The following KCNN2 variants were observed in gnomAD, a reference collection of about 807,000 sequenced individuals.
KCNN2 encodes potassium calcium-activated channel subfamily N member 2.
A neutral mutation model predicts 55.5 loss-of-function variants in KCNN2; 24 were observed. The ratio of observed to expected loss-of-function variants is 0.43; its 90% CI spans 0.31 to 0.61. The LOEUF is 0.61. Among genes scored for constraint, KCNN2 ranks in the 20% least tolerant of loss-of-function variants. The pLI, the probability that KCNN2 is intolerant of heterozygous loss-of-function variation, is 0.08. For synonymous variants in KCNN2, 431 were observed against 336.1 expected, an observed-to-expected ratio of 1.28 and a Z score of -3.09; for missense variants, 754 against 853.6, an observed-to-expected ratio of 0.88 and a Z score of 1.45.
chr5:114,226,886 G>A (rs1221991971), intron 2 of KCNN2, among the ~76,000 whole-genome samples: 1 of 122,650 alleles, frequency 8.2e-6, no homozygotes, highest in African/African-American at 3.3e-5. Context: ...GGGCAACACA[G>A]CGAGACTCCG....
intron 4 of KCNN2, among the ~76,000 whole-genome samples, chr5:114,464,388 G>A (rs1220461702): frequency 6.6e-6 from 1 of 152,190 alleles, no homozygotes; most frequent in African/African-American, 2.4e-5. Flanking sequence ...AACGAGTACT[G>A]CAGGTTCCAA....
intron 1 of KCNN2, among the ~76,000 whole-genome samples, chr5:114,091,405 A>G (rs1371229695): frequency 1.3e-5 from 2 of 152,166 alleles, no homozygotes; most frequent in East Asian, 1.9e-4. Context: ...ATCCAAATTG[A>G]TTAGAGTAGG....
At chr5:114,397,356 C>T (rs1758651132) in intron 2 of KCNN2, among the ~76,000 whole-genome samples, 1 of 152,054 alleles carries the variant, frequency 6.6e-6, no homozygotes, top group Non-Finnish European at 1.5e-5. Context: ...TGTAAGTATT[C>T]CCTTTTCTCT....
chr5:114,441,204 G>A (rs1164653111), intron 3 of KCNN2, among the ~76,000 whole-genome samples: 1 of 152,022 alleles, frequency 6.6e-6, no homozygotes, highest in African/African-American at 2.4e-5. Flanking sequence ...ATAAAACAGT[G>A]AGCAAACTAG....
intron 1 of KCNN2, among the ~76,000 whole-genome samples, chr5:114,126,520 G>T (rs1046493883): frequency 6.6e-6 from 1 of 152,050 alleles, no homozygotes; most frequent in African/African-American, 2.4e-5. Flanking sequence ...GAATCCTCCC[G>T]CATGATTCAA....
rs1001177787 is a variant in KCNN2 at position 114,151,407 on chromosome 5, C to G, written c.-270-70073C>G. On this transcript the variant is annotated intron_variant, in intron 1 of 10. Coordinates refer to the KCNN2 transcript ENST00000512097. ...CCGTCCTGCCACTCCAGCTCCCTTC[C>G]TTCCACTTGGTGGGACAGCAAAGGG... 3.3e-5 allele frequency among the ~76,000 whole-genome samples: 5 copies of G among 152,246 alleles called. No homozygotes were observed. The South Asian group carries it at 6.2e-4, about 19-fold the overall frequency.
intron 1 of KCNN2, among the ~76,000 whole-genome samples, chr5:114,161,865 G>A (rs985425427): frequency 2.0e-5 from 3 of 152,142 alleles, no homozygotes; most frequent in Non-Finnish European, 2.9e-5. Context: ...GGTCCTTTAA[G>A]GACTTCTCTG....
At chr5:114,427,280 T>TA (rs1269456664) in intron 3 of KCNN2, among the ~76,000 whole-genome samples, 1 of 152,162 alleles carries the variant, frequency 6.6e-6, no homozygotes, top group African/African-American at 2.4e-5. Context: ...TTAACAATAA[T>TA]AAAAAAATTT....
intron 2 of KCNN2, among the ~76,000 whole-genome samples, chr5:114,344,381 G>C (rs1561578827): frequency 6.6e-6 from 1 of 152,130 alleles, no homozygotes; most frequent in Non-Finnish European, 1.5e-5. Flanking sequence ...GTAGGGTAAG[G>C]TCTGGGAGGG....
intron 2 of KCNN2, among the ~76,000 whole-genome samples, chr5:114,277,728 G>A (rs1488694016): frequency 6.6e-6 from 1 of 152,044 alleles, no homozygotes; most frequent in Non-Finnish European, 1.5e-5. Flanking sequence ...ATTCTAGTTA[G>A]CCATTTGTCT....
At chr5:114,473,298 C>G (rs796802736) in intron 5 of KCNN2, 134 bp downstream of exon 5, 3 of 658,674 alleles carry the variant, frequency 4.6e-6, no homozygotes, top group African/African-American at 3.6e-5. Context: ...GGAATCACTT[C>G]CATTTTATCA....
rs1249028214 is a variant in KCNN2, at chr5:114,375,952, G to GTGTATATATATATATATA, written c.1218+11952_1218+11953insGTATATATATATATATAT. ...AATCATTTAAAAAAAGACTCACAGTGTATATATATATATATATATATATAT... is the reference window on the plus strand; with the variant it reads ...AATCATTTAAAAAAAGACTCACAGTGTGTATATATATATATATATATATATATATATATATATATATAT... On this transcript the variant is annotated intron_variant, in intron 2 of 7. Transcript: ENST00000673685. Among the ~76,000 whole-genome samples, 393 of 104,608 alleles carry GTGTATATATATATATATA rather than the reference G, an allele frequency of 3.8e-3. 5 individuals are homozygous for GTGTATATATATATATATA. Among genetic ancestry groups the GTGTATATATATATATATA allele is most frequent in the Non-Finnish European group, 5.5e-3 (291 of 53,198 alleles). 68.6% of individuals were successfully genotyped at this position (104,608 alleles called of 152,430 possible).
At chr5:114,437,353 AGGACGTGAATGAAT>A (rs985735907) in intron 3 of KCNN2, among the ~76,000 whole-genome samples, 2 of 152,154 alleles carry the variant, frequency 1.3e-5, no homozygotes, top group African/African-American at 4.8e-5. Context: ...GGAGGAAGAG[AGGACGTGAATGAAT>A]GCAAGTGTTA....
chr5:114,140,316 G>A (rs1208950124), intron 1 of KCNN2, among the ~76,000 whole-genome samples: 3 of 152,126 alleles, frequency 2.0e-5, no homozygotes, highest in Non-Finnish European at 4.4e-5. Flanking sequence ...GCTCTTACTG[G>A]CCTGCCAGCC....
In KCNN2 at chr5:114,139,580, G is replaced by A. The variant is rs1434671445; in HGVS notation, c.-270-81900G>A. ...ATAGATATTATAATAATAATTTAATGAATAATATTTATATACTCTATATAA... is the reference window on the plus strand; with the variant it reads ...ATAGATATTATAATAATAATTTAATAAATAATATTTATATACTCTATATAA... On this transcript the variant is annotated intron_variant, in intron 1 of 10. Transcript: ENST00000512097. Among the ~76,000 whole-genome samples, 10 of 149,074 alleles carry A rather than the reference G, an allele frequency of 6.7e-5. 1 individual carries two copies. The East Asian group carries it at 1.4e-3, about 20-fold the overall frequency.
At chr5:114,170,692 C>T (rs563578619) in intron 1 of KCNN2, among the ~76,000 whole-genome samples, 2 of 151,932 alleles carry the variant, frequency 1.3e-5, no homozygotes, top group South Asian at 2.1e-4. Context: ...TATTTGTACT[C>T]AGTTTCAGAG....
intron 2 of KCNN2, among the ~76,000 whole-genome samples, chr5:114,337,185 T>C (rs1267673395): frequency 6.6e-6 from 1 of 152,182 alleles, no homozygotes; most frequent in Non-Finnish European, 1.5e-5. Flanking sequence ...ACAGTGTTGA[T>C]AGGACCTATT....
chr5:114,299,065 C>T (rs1756095740), intron 2 of KCNN2, among the ~76,000 whole-genome samples: 2 of 152,088 alleles, frequency 1.3e-5, no homozygotes, highest in African/African-American at 2.4e-5. Flanking sequence ...ATAATAATGT[C>T]AGTAAGAAAC....
chr5:114,484,260 C>A (rs1762355587), intron 5 of KCNN2, among the ~76,000 whole-genome samples: 1 of 152,034 alleles, frequency 6.6e-6, no homozygotes, highest in South Asian at 2.1e-4. Context: ...TCAAGTGTTA[C>A]ATAACTAGAT....
Sources: allele counts gnomAD v4.1 joint callset (sites outside exome capture counted in the v4.1 genomes callset), GRCh38; gene constraint gnomAD v4.1.1; transcripts MANE v1.5; gene names NCBI Gene and HGNC (gene_info 2026-07-23, HGNC 2026-07-21).